The following SPECC1 variants were observed in gnomAD, a reference collection of about 807,000 sequenced individuals.
SPECC1 encodes cytospin-B.
A neutral mutation model predicts 104.1 loss-of-function variants in SPECC1; 62 were observed. That is an observed-to-expected ratio of 0.60 (90% CI 0.49 to 0.74). The LOEUF is 0.74. SPECC1 is among the 30% of genes least tolerant of loss of function. The pLI is 0.00. For synonymous variants in SPECC1, 513 were observed against 501.6 expected (o/e 1.02, Z -0.30); for missense variants, 1,306 against 1,310.5 (o/e 1.00, Z 0.05).
chr17:20,211,318 G>A (rs1046281235), intron 4 of SPECC1, among the ~76,000 whole-genome samples: 24 of 152,242 alleles, frequency 1.6e-4, no homozygotes, highest in Non-Finnish European at 2.9e-5. Flanking sequence ...GCTTCATGCT[G>A]GGAAGGAGGC....
At chr17:20,050,222 A>C (rs1490320063) in intron 1 of SPECC1, among the ~76,000 whole-genome samples, 1 of 152,220 alleles carries the variant, frequency 6.6e-6, no homozygotes, top group Non-Finnish European at 1.5e-5. Flanking sequence ...TTAAAACTAT[A>C]ATTAAAATAA....
At chr17:20,176,607 C>T (rs1220508808) in intron 3 of SPECC1, among the ~76,000 whole-genome samples, 1 of 152,186 alleles carries the variant, frequency 6.6e-6, no homozygotes, top group Admixed American at 6.5e-5. Context: ...TGTGTTCCTT[C>T]TGGAGGCTTC....
At chr17:20,151,963 C>T (rs541738518) in intron 3 of SPECC1, among the ~76,000 whole-genome samples, 18 of 151,630 alleles carry the variant, frequency 1.2e-4, no homozygotes, top group African/African-American at 3.6e-4. Context: ...GCAGGAGAAT[C>T]GCTTGAACCC....
chr17:20,185,456 G>A (rs139105984), intron 3 of SPECC1, among the ~76,000 whole-genome samples: 2 of 152,350 alleles, frequency 1.3e-5, no homozygotes, highest in Non-Finnish European at 1.5e-5. Flanking sequence ...CTACCACATG[G>A]TGCTCCAGCC....
chr17:20,264,714 C>T (rs1001023463), intron 12 of SPECC1, among the ~76,000 whole-genome samples: 13 of 151,884 alleles, frequency 8.6e-5, no homozygotes, highest in East Asian at 5.8e-4. Context: ...TCAGGTGATC[C>T]GCCCACCTTG....
intron 4 of SPECC1, among the ~76,000 whole-genome samples, chr17:20,217,922 T>C (rs560899112): frequency 6.6e-6 from 1 of 152,104 alleles, no homozygotes; most frequent in Non-Finnish European, 1.5e-5. Context: ...GTCCTGGCTC[T>C]GAGGGAGGCC....
At chr17:20,041,684 G>A (rs1259035254) in intron 1 of SPECC1, among the ~76,000 whole-genome samples, 5 of 144,186 alleles carry the variant, frequency 3.5e-5, no homozygotes, top group African/African-American at 1.3e-4. Flanking sequence ...CTGGAGTGCG[G>A]TGGTGCGATC....
intron 2 of SPECC1, among the ~76,000 whole-genome samples, chr17:20,107,821 C>T (rs969245947): frequency 2.0e-5 from 3 of 152,064 alleles, no homozygotes; most frequent in African/African-American, 4.8e-5. Flanking sequence ...CCACTGCGCT[C>T]GACCATGTGA....
intron 3 of SPECC1, among the ~76,000 whole-genome samples, chr17:20,162,988 A>G (rs1055607704): frequency 3.9e-5 from 6 of 152,232 alleles, no homozygotes; most frequent in African/African-American, 1.4e-4. Context: ...AGATTGCACC[A>G]TTGCACTCCA....
At chr17:20,063,505 TA>T (rs1412324630) in intron 1 of SPECC1, among the ~76,000 whole-genome samples, 3 of 152,238 alleles carry the variant, frequency 2.0e-5, no homozygotes, top group Non-Finnish European at 4.4e-5. Context: ...CAAGGTCATT[TA>T]AAAAATGTTT....
intron 4 of SPECC1, among the ~76,000 whole-genome samples, chr17:20,206,306 G>A (rs926756347): frequency 5.3e-5 from 8 of 152,192 alleles, no homozygotes; most frequent in African/African-American, 1.9e-4. Flanking sequence ...AAGATTGAGT[G>A]GGAGTTTGCC....
chr17:20,090,100 G>A (rs2047339805), intron 1 of SPECC1, among the ~76,000 whole-genome samples: 1 of 152,202 alleles, frequency 6.6e-6, no homozygotes, highest in Admixed American at 6.5e-5. Flanking sequence ...AGAGACTTGA[G>A]CACACTTTGG....
chr17:20,286,482 C>A (rs997740084), intron 12 of SPECC1, among the ~76,000 whole-genome samples: 1 of 152,158 alleles, frequency 6.6e-6, no homozygotes. Context: ...TGTCGCGCAG[C>A]AGCTCAGCCA....
chr17:20,157,603 T>C (rs963466231), intron 3 of SPECC1, among the ~76,000 whole-genome samples: 6 of 152,214 alleles, frequency 3.9e-5, no homozygotes, highest in Non-Finnish European at 8.8e-5. Context: ...CCCTGTGTAT[T>C]ATTTCCTTTG....
intron 12 of SPECC1, among the ~76,000 whole-genome samples, chr17:20,288,070 C>CT (rs927714829): frequency 3.3e-5 from 5 of 151,860 alleles, no homozygotes; most frequent in Admixed American, 2.6e-4. Context: ...TGTTTCTGTA[C>CT]TAGTTTGCTG....
At chr17:20,072,458 GC>G (rs1225430776) in intron 1 of SPECC1, among the ~76,000 whole-genome samples, 1 of 152,170 alleles carries the variant, frequency 6.6e-6, no homozygotes, top group Non-Finnish European at 1.5e-5. Flanking sequence ...TATGCCCCTT[GC>G]CCCCCAGGAG....
chr17:20,066,146 T>A (rs921541505), intron 1 of SPECC1, among the ~76,000 whole-genome samples: 1 of 152,186 alleles, frequency 6.6e-6, no homozygotes, highest in Non-Finnish European at 1.5e-5. Context: ...GCTTTTTACC[T>A]TTTTTACAAA....
chr17:20,116,794 G>C (rs2048777115), intron 3 of SPECC1, among the ~76,000 whole-genome samples: 1 of 126,482 alleles, frequency 7.9e-6, no homozygotes, highest in African/African-American at 2.9e-5. Context: ...AATTGGCAGT[G>C]TCTGGAGACT....
chr17:20,194,502 A>ATTATTTTTTTTTTTTTTTT lies in SPECC1; in HGVS notation c.284-9829_284-9828insATTTTTTTTTTTTTTTTTT. Among the ~76,000 whole-genome samples, 205 of 86,528 alleles carry ATTATTTTTTTTTTTTTTTT rather than the reference A, an allele frequency of 2.4e-3. 41 individuals are homozygous for ATTATTTTTTTTTTTTTTTT. The highest frequency in any genetic ancestry group is 8.4e-3 in the African/African-American group (157 of 18,728). The allele number at this position is 86,528 out of a possible 152,430, so 56.8% of individuals were successfully genotyped here. ...TGTGTTCTGTTAGAAAAGAGAACGA[A>ATTATTTTTTTTTTTTTTTT]TTTTTTTTTTTTTTTTTTTTTTTGA... is the stretch of plus-strand genomic sequence containing the variant. On this transcript the variant is annotated intron_variant, in intron 3 of 14. Transcript: ENST00000395527.
Sources: gnomAD v4.1 joint callset for allele counts (sites outside exome capture counted in the v4.1 genomes callset) on GRCh38, gnomAD v4.1.1 for gene constraint, MANE v1.5 for transcripts, NCBI Gene and HGNC (gene_info 2026-07-23, HGNC 2026-07-21) for gene names.